The following GPAT4 variants were observed in gnomAD, a reference collection of about 807,000 sequenced individuals.
The protein encoded by GPAT4 is 1-AGP acyltransferase 6.
Under a neutral mutation model 58.0 loss-of-function variants are expected in GPAT4, and 17 were observed. That is an observed-to-expected ratio of 0.29 (90% CI 0.20 to 0.44). The LOEUF (loss-of-function observed/expected upper bound fraction) is 0.44. Ranked by LOEUF, GPAT4 falls within the 20% of genes least tolerant of loss-of-function variation. GPAT4 has a pLI of 1.00. For synonymous variants in GPAT4, 204 were observed against 210.1 expected (o/e 0.97, Z 0.25); for missense variants, 377 against 574.5 (o/e 0.66, Z 3.51).
At chr8:41,606,855 C>CTT (rs1182767332) in intron 2 of GPAT4, among the ~76,000 whole-genome samples, 1 of 152,136 alleles carries the variant, frequency 6.6e-6, no homozygotes, top group Non-Finnish European at 1.5e-5. Context: ...CCTTTAAAGG[C>CTT]GTCTGACTCT....
chr8:41,595,477 G>A (rs1484959498), intron 1 of GPAT4, among the ~76,000 whole-genome samples: 1 of 152,016 alleles, frequency 6.6e-6, no homozygotes, highest in Non-Finnish European at 1.5e-5. Flanking sequence ...TGGGCCATCT[G>A]CAGATTACTA....
chr8:41,612,771 T>G, intron 7 of GPAT4, 74 bp from the exon 8 acceptor site: 1 of 1,319,436 alleles, frequency 7.6e-7, no homozygotes. Context: ...TTTTGTGAGA[T>G]GTGGTTCTTC....
At chr8:41,582,696 G>GTGTGTGTGC (rs1563266509) in intron 1 of GPAT4, among the ~76,000 whole-genome samples, 75 of 115,248 alleles carry the variant, frequency 6.5e-4, no homozygotes, top group African/African-American at 2.4e-3. Context: ...TGTGTGTGTG[G>GTGTGTGTGC]GTGTATCTCA....
rs186852835 is a variant in GPAT4 at position 41,623,741 on chromosome 8, G to A, written c.*2740G>A. 3 of 152,276 alleles carry A rather than the reference G, an allele frequency of 2.0e-5. No individual in the cohort carries two copies. The highest frequency in any genetic ancestry group is 2.0e-4 in the Admixed American group (3 of 15,300). 9.4% of individuals were successfully genotyped at this position (152,276 alleles called of 1,614,324 possible). ...AGGGCTTTAGGCAGCCATGGGGCTGGGGCCATACTGCTCTCAGGCTGGGCA... is the reference window on the plus strand; with the variant it reads ...AGGGCTTTAGGCAGCCATGGGGCTGAGGCCATACTGCTCTCAGGCTGGGCA... On this transcript the variant is annotated 3_prime_UTR_variant, in exon 13 of 13. Transcript: ENST00000396987.
chr8:41,602,279 C>T (rs776869866), intron 2 of GPAT4, among the ~76,000 whole-genome samples: 2 of 152,100 alleles, frequency 1.3e-5, no homozygotes, highest in African/African-American at 2.4e-5. Context: ...GATTTAGAAG[C>T]GGTAATGGAA....
chr8:41,614,374 C>A lies in GPAT4; in HGVS notation c.912-12C>A, dbSNP rs981648264. Reference sequence around the variant, plus strand: ...GTTGTCTGACCCTTTATTTTATTTTCTTCTTTGAAAGACTGACTGAACATG... The same window carrying A: ...GTTGTCTGACCCTTTATTTTATTTTATTCTTTGAAAGACTGACTGAACATG... On this transcript the variant is annotated splice_polypyrimidine_tract_variant and intron_variant, in intron 8 of 12. Coordinates refer to ENST00000396987, the MANE Select transcript of GPAT4 (RefSeq NM_178819.4). The A allele has an allele frequency of 2.5e-6, 4 of 1,612,168 alleles. No homozygotes were observed. Among genetic ancestry groups the A allele is most frequent in the Admixed American group, 1.7e-5 (1 of 59,784 alleles).
intron 1 of GPAT4, among the ~76,000 whole-genome samples, chr8:41,581,208 AGAAG>A (rs1802500125): frequency 6.6e-6 from 1 of 152,216 alleles, no homozygotes; most frequent in African/African-American, 2.4e-5. Flanking sequence ...TTTTAGAGTT[AGAAG>A]GAGTCTTCCA....
chr8:41,581,875 C>G (rs1461165600), intron 1 of GPAT4, among the ~76,000 whole-genome samples: 1 of 150,078 alleles, frequency 6.7e-6, no homozygotes. Flanking sequence ...CCTCGTGATC[C>G]CCCCGCCTCG....
At position 41,615,065 on chromosome 8, in the gene GPAT4, G is replaced by A. The variant is rs759345593; in HGVS notation, c.1053+17G>A. On this transcript the variant is annotated intron_variant, in intron 10 of 12. Coordinates refer to ENST00000396987, the MANE Select transcript of GPAT4 (RefSeq NM_178819.4). Reference sequence around the variant, plus strand: ...GCTATCAAGGTATAAGACCTCCGATGGTACACACTGTCATTACTGGAGCTG... The same window carrying A: ...GCTATCAAGGTATAAGACCTCCGATAGTACACACTGTCATTACTGGAGCTG... 1 of 1,596,366 alleles carries A rather than the reference G, an allele frequency of 6.3e-7. No individual in the cohort carries two copies. Among genetic ancestry groups the A allele is most frequent in the Non-Finnish European group, 8.6e-7 (1 of 1,164,318 alleles).
intron 1 of GPAT4, 65 bp downstream of exon 1, chr8:41,578,343 C>T (rs1005235191): frequency 2.6e-5 from 4 of 151,976 alleles, no homozygotes; most frequent in African/African-American, 9.6e-5. Context: ...GAGAGCGGGA[C>T]GTGGGAGCCG....
intron 5 of GPAT4, 91 bp downstream of exon 5, chr8:41,610,901 A>G: frequency 7.6e-7 from 1 of 1,316,796 alleles, no homozygotes; most frequent in Non-Finnish European, 1.0e-6. Flanking sequence ...CTTTGGACAC[A>G]ACCAAAGCCA....
rs1435713282 is a variant in GPAT4, at chr8:41,622,293, G to GGGGAC, written c.*1296_*1297insCGGGA. On this transcript the variant is annotated 3_prime_UTR_variant, in exon 13 of 13. Transcript: ENST00000396987. ...TGGTGGCTTCTGCAGGGGAGGGACA[G>GGGGAC]GGGAGGGCTGCAGAGGGGCAGGGTG... The GGGGAC allele has an allele frequency of 4.5e-5, 7 of 155,148 alleles. No homozygotes were observed. The highest frequency in any genetic ancestry group is 1.2e-4 in the African/African-American group (5 of 41,476). 9.6% of individuals were successfully genotyped at this position (155,148 alleles called of 1,614,324 possible). A position where few individuals can be genotyped will look rare whatever the true frequency, so the allele number is the denominator to read the frequency against.
Position 41,611,793 on chromosome 8 carries a change from T to C in GPAT4, c.612-110T>C, listed in dbSNP as rs538806041. On this transcript the variant is annotated intron_variant, in intron 5 of 12. Transcript: ENST00000396987. ...GGACTTTCCTGTAGGTGCTGATGTC[T>C]ATACAAGCACTTTGCTGTTATAAAG... The C allele has an allele frequency of 5.0e-4, 465 of 929,762 alleles. 7 individuals are homozygous for C. In the South Asian group the frequency reaches 6.8e-3, roughly 14 times the overall value. 57.6% of individuals were successfully genotyped at this position (929,762 alleles called of 1,614,324 possible).
intron 1 of GPAT4, among the ~76,000 whole-genome samples, chr8:41,594,912 T>A (rs932299356): frequency 2.6e-5 from 4 of 152,146 alleles, no homozygotes; most frequent in Non-Finnish European, 4.4e-5. Context: ...GCTTTTTTTT[T>A]ACATAAATTC....
chr8:41,614,501 A>T (rs932645172), intron 9 of GPAT4, 60 bp downstream of exon 9: 2 of 1,540,544 alleles, frequency 1.3e-6, no homozygotes, highest in Non-Finnish European at 1.8e-6. Context: ...TGTGATGCTG[A>T]TGTTTCCTGG....
intron 9 of GPAT4, 52 bp from the exon 10 acceptor site, chr8:41,614,911 T>C (rs760057771): frequency 1.4e-6 from 2 of 1,471,606 alleles, no homozygotes; most frequent in Admixed American, 3.4e-5. Flanking sequence ...ACGCCTAATA[T>C]CTGGGGTAAA....
intron 4 of GPAT4, chr8:41,610,292 A>G (rs1472393130): frequency 8.1e-7 from 1 of 1,230,488 alleles, no homozygotes; most frequent in South Asian, 1.9e-5. Context: ...GTACAGGGGC[A>G]GTATTGATCT....
Position 41,600,036 on chromosome 8 carries a change from C to CTTTTCTT in GPAT4, c.165+736_165+737insCTTTTTT, listed in dbSNP as rs1554502474. Among the ~76,000 whole-genome samples, 316 of 100,296 alleles carry CTTTTCTT rather than the reference C, an allele frequency of 3.2e-3. 3 individuals carry two copies. The highest frequency in any genetic ancestry group is 8.2e-3 in the Middle Eastern group (1 of 122). The allele number at this position is 100,296 out of a possible 152,430, so 65.8% of individuals were successfully genotyped here. A position where few individuals can be genotyped will look rare whatever the true frequency, so the allele number is the denominator to read the frequency against. The stretch of plus-strand genomic sequence containing the variant: ...TGTTCATATTTTATCTTTTTCTTTT[C>CTTTTCTT]TTTTTTTTTTTTTTTTTTCGAGACA... On this transcript the variant is annotated intron_variant, in intron 2 of 12. Coordinates refer to ENST00000396987, the MANE Select transcript of GPAT4 (RefSeq NM_178819.4).
intron 10 of GPAT4, among the ~76,000 whole-genome samples, chr8:41,617,943 C>T (rs1238628150): frequency 6.6e-6 from 1 of 152,234 alleles, no homozygotes; most frequent in Non-Finnish European, 1.5e-5. Context: ...CTACCCTGCT[C>T]ACCTGCCCCT....
Sources: gnomAD v4.1 joint callset for allele counts (sites outside exome capture counted in the v4.1 genomes callset) on GRCh38, gnomAD v4.1.1 for gene constraint, MANE v1.5 for transcripts, NCBI Gene and HGNC (gene_info 2026-07-23, HGNC 2026-07-21) for gene names.